SEMA4D: variants seen among roughly 807,000 people sequenced by gnomAD.
SEMA4D encodes the protein semaphorin-4D.
In SEMA4D, 22 loss-of-function variants were observed where a neutral mutation model predicts 74.8. The observed-to-expected ratio is 0.29, with a 90% CI of 0.21 to 0.42. The LOEUF (loss-of-function observed/expected upper bound fraction) is 0.42, where lower values mean the gene tolerates loss of function less well. Among genes scored for constraint, SEMA4D ranks in the 10% least tolerant of loss-of-function variants. The probability of loss-of-function intolerance (pLI) is 1.00; values close to 1 mark genes in which losing one functional copy is unlikely to be tolerated. For missense variants in SEMA4D, 937 were observed against 1,118.4 expected (o/e 0.84, Z 2.31); for synonymous variants, 445 against 463.7 (o/e 0.96, Z 0.52).
chr9:89,388,012 T>C (rs1838916353), intron 11 of SEMA4D, among the ~76,000 whole-genome samples: 1 of 152,250 alleles, frequency 6.6e-6, no homozygotes, highest in African/African-American at 2.4e-5. Context: ...TTTTTTCCTG[T>C]TCTAGCTCCC....
chr9:89,388,474 G>A (rs1321457446), intron 11 of SEMA4D, among the ~76,000 whole-genome samples, 162 bp downstream of exon 11: 1 of 152,390 alleles, frequency 6.6e-6, no homozygotes, highest in Admixed American at 6.5e-5. Context: ...CATGCAAAAG[G>A]GAAGAAGGAT....
chr9:89,443,695 T>C (rs1390355701), intron 2 of SEMA4D, among the ~76,000 whole-genome samples: 1 of 152,182 alleles, frequency 6.6e-6, no homozygotes, highest in African/African-American at 2.4e-5. Context: ...CTGTGAGTCC[T>C]GTATGGGCTG....
At chr9:89,400,522 T>G (rs2133538277) in intron 4 of SEMA4D, among the ~76,000 whole-genome samples, 1 of 152,348 alleles carries the variant, frequency 6.6e-6, no homozygotes, top group African/African-American at 2.4e-5. Context: ...GGTTTCTAAC[T>G]AACTCTGTGA....
chr9:89,376,218 C>G (rs1835766543), downstream of SEMA4D, among the ~76,000 whole-genome samples: 1 of 152,224 alleles, frequency 6.6e-6, no homozygotes, highest in African/African-American at 2.4e-5. Flanking sequence ...CCACGTATAT[C>G]AACCTCCAAA....
intron 2 of SEMA4D, among the ~76,000 whole-genome samples, chr9:89,431,021 G>C (rs1010477608): frequency 6.6e-6 from 1 of 152,134 alleles, no homozygotes; most frequent in Non-Finnish European, 1.5e-5. Context: ...TCAGAAACAG[G>C]TTAAATTAAC....
At chr9:89,438,420 G>T (rs1209710530) in intron 2 of SEMA4D, among the ~76,000 whole-genome samples, 1 of 152,230 alleles carries the variant, frequency 6.6e-6, no homozygotes. Flanking sequence ...TGAGCAGGAC[G>T]ACATTCACCG....
At chr9:89,429,968 T>C (rs1848913339) in intron 2 of SEMA4D, among the ~76,000 whole-genome samples, 1 of 151,762 alleles carries the variant, frequency 6.6e-6, no homozygotes, top group African/African-American at 2.4e-5. Context: ...GAAAACCTCA[T>C]TAAAAACTCT....
chr9:89,374,331 C>T (rs185720593), downstream of SEMA4D, among the ~76,000 whole-genome samples: 541 of 152,336 alleles, frequency 3.6e-3, 2 homozygotes, highest in African/African-American at 0.012. Context: ...TGACCGCCAG[C>T]TTTCTGTTAG....
rs147284984 is a variant in SEMA4D at position 89,421,662 on chromosome 9, T to C, written c.-243-15963A>G. On this transcript the variant is annotated intron_variant, in intron 2 of 15. Transcript: ENST00000422704. Reference sequence around the variant, plus strand: ...ACAAATTATTGCACATTCCAGAGGATGGAATACTATGCAACTGTTAAAAAG... The same window carrying C: ...ACAAATTATTGCACATTCCAGAGGACGGAATACTATGCAACTGTTAAAAAG... Among the ~76,000 whole-genome samples the C allele has an allele frequency of 7.4e-3, 1,131 of 152,278 alleles. 16 individuals carry two copies. Among genetic ancestry groups the C allele is most frequent in the African/African-American group, 0.025 (1,033 of 41,528 alleles).
Position 89,430,488 on chromosome 9 carries a change from C to T in SEMA4D, c.-243-24789G>A, listed in dbSNP as rs533802951. Among the ~76,000 whole-genome samples the T allele has an allele frequency of 2.0e-5, 3 of 152,318 alleles. No individual in the cohort carries two copies. In the South Asian group the frequency reaches 6.2e-4, roughly 32 times the overall value. On this transcript the variant is annotated intron_variant, in intron 2 of 15. Transcript: ENST00000422704. ...GCAGCAGCCAGGCTCGGAGGACAAACAGCCAACATCTTCCCAGGCAGGGAA... is the reference window on the plus strand; with the variant it reads ...GCAGCAGCCAGGCTCGGAGGACAAATAGCCAACATCTTCCCAGGCAGGGAA...
At chr9:89,418,156 T>TA in intron 2 of SEMA4D, 1 of 940,876 alleles carries the variant, frequency 1.1e-6, no homozygotes. Flanking sequence ...TTTAAGCCCT[T>TA]AAACTGTGCA....
intron 2 of SEMA4D, among the ~76,000 whole-genome samples, chr9:89,452,663 C>T (rs1307296386): frequency 6.6e-6 from 1 of 152,126 alleles, no homozygotes; most frequent in Non-Finnish European, 1.5e-5. Context: ...AATTTGGCCA[C>T]ATTGGTCTTG....
At chr9:89,493,768 A>C (rs1020224129) in intron 1 of SEMA4D, among the ~76,000 whole-genome samples, 2 of 152,246 alleles carry the variant, frequency 1.3e-5, no homozygotes, top group Non-Finnish European at 2.9e-5. Context: ...GCTTTAGGTT[A>C]CTTAACATAT....
At chr9:89,491,451 T>C (rs553879991) in intron 1 of SEMA4D, among the ~76,000 whole-genome samples, 23 of 152,228 alleles carry the variant, frequency 1.5e-4, no homozygotes, top group South Asian at 4.2e-4. Context: ...GTGCCTGTAG[T>C]CCCAGCTACT....
intron 7 of SEMA4D, 51 bp downstream of exon 7, chr9:89,393,511 A>C: frequency 7.0e-7 from 1 of 1,426,164 alleles, no homozygotes; most frequent in Non-Finnish European, 9.9e-7. Flanking sequence ...TTTGGTAATT[A>C]ACATGCCACT....
At chr9:89,476,774 G>C (rs1400032886) in intron 1 of SEMA4D, among the ~76,000 whole-genome samples, 1 of 152,176 alleles carries the variant, frequency 6.6e-6, no homozygotes, top group Non-Finnish European at 1.5e-5. Context: ...ATCACGCCAG[G>C]CTCCAGAGAT....
chr9:89,449,430 A>C, intron 2 of SEMA4D: 1 of 581,558 alleles, frequency 1.7e-6, no homozygotes, highest in Non-Finnish European at 3.2e-6. Context: ...ACGCTAAAAG[A>C]CTAAGTTCGC....
chr9:89,459,155 T>C (rs971873634), intron 1 of SEMA4D, among the ~76,000 whole-genome samples: 6 of 152,206 alleles, frequency 3.9e-5, no homozygotes, highest in African/African-American at 1.2e-4. Flanking sequence ...CTGTGGTCAG[T>C]GGTTCTCATA....
chr9:89,402,853 G>A lies in SEMA4D; in HGVS notation c.252+18C>T, dbSNP rs983212886. On this transcript the variant is annotated intron_variant, in intron 4 of 15. Transcript: ENST00000422704. ...TCAAGCTGGGCTATGTGGACATGCAGGGGAGCCCAGGACGTACCTCATGCT... is the reference window on the plus strand; with the variant it reads ...TCAAGCTGGGCTATGTGGACATGCAAGGGAGCCCAGGACGTACCTCATGCT... 1 of 1,608,478 alleles carries A rather than the reference G, an allele frequency of 6.2e-7. No homozygotes were observed. The highest frequency in any genetic ancestry group is 8.5e-7 in the Non-Finnish European group (1 of 1,175,552).
Sources: gnomAD v4.1 joint callset for allele counts (sites outside exome capture counted in the v4.1 genomes callset) on GRCh38, gnomAD v4.1.1 for gene constraint, MANE v1.5 for transcripts, NCBI Gene and HGNC (gene_info 2026-07-23, HGNC 2026-07-21) for gene names.